CHD2: variants seen among roughly 807,000 people sequenced by gnomAD.
CHD2 encodes the protein ATP-dependent chromatin remodeler CHD2.
In CHD2, 28 loss-of-function variants were observed where a neutral mutation model predicts 243.9. The ratio of observed to expected loss-of-function variants is 0.11; its 90% CI spans 0.09 to 0.16. CHD2 has a LOEUF of 0.16. CHD2 is among the 10% of genes least tolerant of loss of function. The pLI is 1.00. For missense variants in CHD2, 1,386 were observed against 2,209.8 expected, an observed-to-expected ratio of 0.63 and a Z score of 7.47; for synonymous variants, 775 against 779.0, an observed-to-expected ratio of 0.99 and a Z score of 0.09.
chr15:93,017,253 G>A (rs1432762423), intron 37 of CHD2, among the ~76,000 whole-genome samples: 2 of 152,056 alleles, frequency 1.3e-5, no homozygotes, highest in African/African-American at 4.8e-5. Flanking sequence ...ACTCTTTGAG[G>A]TTTTCTGCTC....
Position 92,904,517 on chromosome 15 carries a change from G to C in CHD2, c.62+3218G>C, listed in dbSNP as rs111735136. 6.5e-3 allele frequency: 6,520 copies of C among 996,222 alleles called. 34 individuals carry two copies. Among genetic ancestry groups the C allele is most frequent in the Admixed American group, 8.3e-3 (137 of 16,588 alleles). 61.7% of individuals were successfully genotyped at this position (996,222 alleles called of 1,614,324 possible). A position where few individuals can be genotyped will look rare whatever the true frequency, so the allele number is the denominator to read the frequency against. On this transcript the variant is annotated intron_variant, in intron 2 of 38. Transcript: ENST00000394196. ...GGAAAAGGAAGGGAACTCTAGTTGG[G>C]ACTTTCCGGTGGGCGGCTTCTTTCC...
intron 2 of CHD2, among the ~76,000 whole-genome samples, chr15:92,916,389 C>T (rs922231690): frequency 3.9e-5 from 6 of 152,184 alleles, no homozygotes; most frequent in African/African-American, 1.2e-4. Flanking sequence ...CATTTAGTTG[C>T]ATAGTGTGAA....
In CHD2 at chr15:92,972,456, C is replaced by G. The variant is rs148270309; in HGVS notation, c.2505+39C>G. The G allele has an allele frequency of 4.0e-3, 6,064 of 1,531,928 alleles. 332 individuals carry two copies. The Admixed American group carries it at 0.1, about 26-fold the overall frequency. The allele number at this position is 1,531,928 out of a possible 1,614,324, so 94.9% of individuals were successfully genotyped here. On this transcript the variant is annotated intron_variant, in intron 19 of 38. Transcript: ENST00000394196. ...AGTAATTGCTGTGGGGGGAATCAATCTCTCTCTCCGCCTCCCCTCCCCAAC... is the reference window on the plus strand; with the variant it reads ...AGTAATTGCTGTGGGGGGAATCAATGTCTCTCTCCGCCTCCCCTCCCCAAC...
At chr15:92,975,602 G>C (rs765988626) in intron 20 of CHD2, among the ~76,000 whole-genome samples, 2 of 151,714 alleles carry the variant, frequency 1.3e-5, no homozygotes, top group African/African-American at 2.4e-5. Context: ...AAAGGAAGCA[G>C]TGGAGACAAC....
intron 12 of CHD2, chr15:92,946,565 C>G (rs2053471671): frequency 6.4e-6 from 1 of 155,348 alleles, no homozygotes; most frequent in Admixed American, 6.5e-5. Context: ...TGGCTAACTG[C>G]AACCTCTGCC....
chr15:92,952,379 C>G (rs979965244), intron 13 of CHD2, among the ~76,000 whole-genome samples: 1 of 152,026 alleles, frequency 6.6e-6, no homozygotes, highest in African/African-American at 2.4e-5. Context: ...ATTTATTGTG[C>G]ACTTTATTTC....
intron 17 of CHD2, 111 bp downstream of exon 17, chr15:92,967,624 C>A: frequency 1.5e-6 from 1 of 652,316 alleles, no homozygotes; most frequent in Non-Finnish European, 2.3e-6. Context: ...GAGACAGAGT[C>A]TCGCGATTCT....
intron 22 of CHD2, among the ~76,000 whole-genome samples, 195 bp from the exon 23 acceptor site, chr15:92,980,620 A>G (rs764086650): frequency 4.6e-5 from 7 of 152,202 alleles, no homozygotes; most frequent in African/African-American, 7.2e-5. Flanking sequence ...CTAATTTTCT[A>G]TTCTGCTGGT....
intron 26 of CHD2, among the ~76,000 whole-genome samples, chr15:92,988,373 C>G (rs1009388431): frequency 6.6e-6 from 1 of 152,166 alleles, no homozygotes; most frequent in African/African-American, 2.4e-5. Context: ...GCGTGAGCCA[C>G]CCACACCCAG....
At position 92,998,665 on chromosome 15, in the gene CHD2, C is replaced by T. The variant is rs1346056193; in HGVS notation, c.4008+44C>T. 6 of 1,600,294 alleles carry T rather than the reference C, an allele frequency of 3.7e-6. No individual in the cohort carries two copies. The highest frequency in any genetic ancestry group is 5.1e-6 in the Non-Finnish European group (6 of 1,171,600). On this transcript the variant is annotated intron_variant, in intron 31 of 38. Coordinates refer to ENST00000394196, the MANE Select transcript of CHD2 (RefSeq NM_001271.4). The surrounding 1 kb of genome is among the most constrained non-coding windows in gnomAD (Gnocchi z 5.1). ...GGTTGTTTTTCAGGGGCCTGAGGCT[C>T]CTACCCTGCAGAATTAGGTAGGAAG...
intron 2 of CHD2, among the ~76,000 whole-genome samples, chr15:92,917,453 C>G (rs558965849): frequency 9.2e-5 from 14 of 152,270 alleles, no homozygotes; most frequent in Non-Finnish European, 1.9e-4. Context: ...TCCAGCTACT[C>G]TGGAGACTGA....
At chr15:93,018,381 G>T (rs1295675824) in intron 37 of CHD2, among the ~76,000 whole-genome samples, 1 of 152,156 alleles carries the variant, frequency 6.6e-6, no homozygotes, top group Non-Finnish European at 1.5e-5. Context: ...TAATGGTGTT[G>T]TTCTTCAGCT....
chr15:93,002,116 A>G, intron 32 of CHD2, 61 bp from the exon 33 acceptor site: 1 of 1,540,466 alleles, frequency 6.5e-7, no homozygotes. Flanking sequence ...CTTTTTCCAG[A>G]AAGTACATAA....
At chr15:92,974,047 T>G (rs1474872158) in intron 19 of CHD2, 1 of 152,200 alleles carries the variant, frequency 6.6e-6, no homozygotes, top group African/African-American at 2.4e-5. Context: ...TTCAGGTTAG[T>G]TTTGCCTTCT....
intron 12 of CHD2, among the ~76,000 whole-genome samples, chr15:92,948,469 A>C (rs1289325081): frequency 6.6e-6 from 1 of 152,242 alleles, no homozygotes; most frequent in Non-Finnish European, 1.5e-5. Flanking sequence ...AGGATGAACT[A>C]ACTCTGGCTT....
chr15:93,006,124 CTTTTT>C (rs55820002), intron 34 of CHD2, among the ~76,000 whole-genome samples: 199 of 125,276 alleles, frequency 1.6e-3, no homozygotes, highest in Non-Finnish European at 1.8e-3. Context: ...CTCTCTCTCT[CTTTTT>C]TTTTTTTTTT....
intron 16 of CHD2, among the ~76,000 whole-genome samples, chr15:92,965,779 A>G (rs1470291049): frequency 6.6e-6 from 1 of 152,146 alleles, no homozygotes; most frequent in African/African-American, 2.4e-5. Flanking sequence ...CCTTAATATA[A>G]TAAGAGTACA....
intron 2 of CHD2, chr15:92,904,686 A>G (rs978151854): frequency 1.3e-5 from 18 of 1,354,882 alleles, no homozygotes; most frequent in East Asian, 3.0e-5. Context: ...GGCACTATTT[A>G]TAAATTTTAA....
intron 2 of CHD2, chr15:92,902,511 A>T: frequency 4.5e-6 from 1 of 224,608 alleles, no homozygotes; most frequent in Non-Finnish European, 8.6e-6. Flanking sequence ...TTTGAACATG[A>T]TGTGTTACTA....
Sources: allele counts gnomAD v4.1 joint callset (sites outside exome capture counted in the v4.1 genomes callset), GRCh38; gene constraint gnomAD v4.1.1; non-coding constraint Gnocchi (gnomAD v3.1); transcripts MANE v1.5; gene names NCBI Gene and HGNC (gene_info 2026-07-23, HGNC 2026-07-21).